The following KIAA1217 variants were observed in gnomAD, a reference collection of about 807,000 sequenced individuals.
KIAA1217 encodes the protein KIAA1217.
A neutral mutation model predicts 163.9 loss-of-function variants in KIAA1217; 88 were observed. That is an observed-to-expected ratio of 0.54 (90% CI 0.45 to 0.64). The LOEUF is 0.64. Ranked by LOEUF, KIAA1217 falls within the 30% of genes least tolerant of loss-of-function variation. The pLI, the probability that KIAA1217 is intolerant of heterozygous loss-of-function variation, is 0.00. For missense variants in KIAA1217, 2,372 were observed against 2,475.0 expected, an observed-to-expected ratio of 0.96 and a Z score of 0.88; for synonymous variants, 903 against 923.1, an observed-to-expected ratio of 0.98 and a Z score of 0.39.
chr10:23,770,612 A>C (rs545113870), intron 1 of KIAA1217, among the ~76,000 whole-genome samples: 6 of 152,184 alleles, frequency 3.9e-5, no homozygotes, highest in Non-Finnish European at 8.8e-5. Flanking sequence ...ATCAGTCTAA[A>C]AAGTTAGTGT....
intron 1 of KIAA1217, among the ~76,000 whole-genome samples, chr10:23,730,897 T>A (rs1004793188): frequency 6.6e-6 from 1 of 152,218 alleles, no homozygotes; most frequent in Non-Finnish European, 1.5e-5. Context: ...TTTTGTTCAG[T>A]TCTTTCAGAT....
chr10:24,488,209 G>A (rs1399806543), intron 6 of KIAA1217, among the ~76,000 whole-genome samples: 1 of 152,166 alleles, frequency 6.6e-6, no homozygotes, highest in Admixed American at 6.5e-5. Context: ...AAGATTTTGA[G>A]GCTGTATAGT....
chr10:23,814,062 G>C (rs538828321), intron 1 of KIAA1217, among the ~76,000 whole-genome samples: 54 of 152,226 alleles, frequency 3.5e-4, no homozygotes, highest in African/African-American at 1.2e-3. Context: ...TTCACTTAAA[G>C]AGACATAAAA....
At chr10:24,421,683 A>G (rs1432772857) in intron 3 of KIAA1217, among the ~76,000 whole-genome samples, 1 of 152,180 alleles carries the variant, frequency 6.6e-6, no homozygotes, top group Non-Finnish European at 1.5e-5. Context: ...TAAAAAAGTT[A>G]TGAATGTGTG....
intron 2 of KIAA1217, among the ~76,000 whole-genome samples, chr10:24,284,968 T>A (rs1043388543): frequency 6.6e-6 from 1 of 151,968 alleles, no homozygotes; most frequent in Non-Finnish European, 1.5e-5. Context: ...GTGGTTTTGA[T>A]TTGCATTTAA....
chr10:24,182,407 A>C (rs1201276473), intron 2 of KIAA1217, among the ~76,000 whole-genome samples: 1 of 146,216 alleles, frequency 6.8e-6, no homozygotes, highest in Non-Finnish European at 1.5e-5. Flanking sequence ...GCACCACTGC[A>C]CTCCAACCTG....
chr10:24,268,338 A>G (rs185876895), intron 2 of KIAA1217, among the ~76,000 whole-genome samples: 2 of 152,292 alleles, frequency 1.3e-5, no homozygotes, highest in East Asian at 3.9e-4. Flanking sequence ...TGACTTGCTA[A>G]TCTCCTGCCA....
At chr10:23,839,063 T>C (rs1207855528) in intron 1 of KIAA1217, among the ~76,000 whole-genome samples, 1 of 152,176 alleles carries the variant, frequency 6.6e-6, no homozygotes, top group Non-Finnish European at 1.5e-5. Flanking sequence ...TTTTATTGAT[T>C]TTTCCACATT....
intron 1 of KIAA1217, among the ~76,000 whole-genome samples, chr10:23,769,474 T>C (rs993218224): frequency 1.3e-5 from 2 of 152,224 alleles, no homozygotes; most frequent in African/African-American, 4.8e-5. Context: ...TTTTGGCTAA[T>C]TTGTTAGTCC....
chr10:24,157,957 G>T, intron 2 of KIAA1217: 1 of 722,798 alleles, frequency 1.4e-6, no homozygotes, highest in East Asian at 2.5e-5. Flanking sequence ...TGTGGAATTT[G>T]CCAGCCCTGG....
intron 2 of KIAA1217, among the ~76,000 whole-genome samples, chr10:24,138,507 A>T (rs992248081): frequency 2.4e-4 from 37 of 152,154 alleles, no homozygotes; most frequent in African/African-American, 8.7e-4. Context: ...TTTTCATTAG[A>T]TTATGTGTTT....
chr10:23,765,316 G>A (rs1348322384), intron 1 of KIAA1217, among the ~76,000 whole-genome samples: 9 of 149,194 alleles, frequency 6.0e-5, no homozygotes, highest in African/African-American at 2.2e-4. Flanking sequence ...AGCCTCCCGA[G>A]TAGCTGGGAC....
chr10:24,206,913 G>A (rs1393190500), upstream of KIAA1217, among the ~76,000 whole-genome samples: 1 of 152,082 alleles, frequency 6.6e-6, no homozygotes, highest in Non-Finnish European at 1.5e-5. Flanking sequence ...AGACCTGGTG[G>A]GAGACATTTC....
At chr10:23,935,819 A>G (rs75364371) in intron 1 of KIAA1217, among the ~76,000 whole-genome samples, 9,107 of 152,264 alleles carry the variant, frequency 0.06, 490 homozygotes, top group African/African-American at 0.14. Flanking sequence ...TATGAGTTTC[A>G]AACATTTTTT....
chr10:24,490,433 A>C (rs1460622963), intron 6 of KIAA1217, among the ~76,000 whole-genome samples: 3 of 152,148 alleles, frequency 2.0e-5, no homozygotes, highest in Non-Finnish European at 4.4e-5. Context: ...TTTAAAACAC[A>C]CTTCCTAACA....
chr10:24,522,024 C>T (rs1450229573), intron 12 of KIAA1217, 95 bp downstream of exon 12: 2 of 1,378,222 alleles, frequency 1.5e-6, no homozygotes, highest in East Asian at 4.8e-5. Context: ...CCACCATGCT[C>T]CCAGGACACA....
intron 2 of KIAA1217, among the ~76,000 whole-genome samples, chr10:24,130,441 G>A (rs1253326452): frequency 2.6e-5 from 4 of 152,168 alleles, no homozygotes; most frequent in Non-Finnish European, 2.9e-5. Context: ...ATGTCCTGTA[G>A]CATCTTTTTG....
At position 24,054,832 on chromosome 10, in the gene KIAA1217, A is replaced by G. The variant is rs191418322; in HGVS notation, c.-171+47458A>G. 1.7e-3 allele frequency among the ~76,000 whole-genome samples: 260 copies of G among 152,300 alleles called. 1 individual carries two copies. Among genetic ancestry groups the G allele is most frequent in the African/African-American group, 5.0e-3 (207 of 41,566 alleles). ...GAATACTATGGACAATTGTAACACAACGGTAAGTATCTGTACATCTAAACA... is the reference window on the plus strand; with the variant it reads ...GAATACTATGGACAATTGTAACACAGCGGTAAGTATCTGTACATCTAAACA... On this transcript the variant is annotated intron_variant, in intron 2 of 18. Transcript: ENST00000376462.
chr10:24,441,703 TTTG>T (rs1414738555), intron 5 of KIAA1217, among the ~76,000 whole-genome samples: 1 of 152,170 alleles, frequency 6.6e-6, no homozygotes, highest in Non-Finnish European at 1.5e-5. Context: ...TTGCGTGGCT[TTTG>T]TTTCCTTACA....
Sources: gnomAD v4.1 joint callset for allele counts (sites outside exome capture counted in the v4.1 genomes callset) on GRCh38, gnomAD v4.1.1 for gene constraint, MANE v1.5 for transcripts, NCBI Gene and HGNC (gene_info 2026-07-23, HGNC 2026-07-21) for gene names.